Variants in STK32A observed in about 807,000 individuals in gnomAD.
STK32A encodes serine/threonine kinase 32A.
In STK32A, 41 loss-of-function variants were observed where a neutral mutation model predicts 53.2. That is an observed-to-expected ratio of 0.77 (90% CI 0.60 to 1.00). STK32A has a LOEUF of 1.00. Ranked by LOEUF, STK32A falls within the 50% of genes least tolerant of loss-of-function variation. The pLI is 0.00. For missense variants in STK32A, 458 were observed against 485.8 expected (o/e 0.94, Z 0.54); for synonymous variants, 166 against 162.8 (o/e 1.02, Z -0.15).
chr5:147,323,831 A>G, intron 4 of STK32A, 67 bp from the exon 5 acceptor site: 1 of 1,390,008 alleles, frequency 7.2e-7, no homozygotes. Flanking sequence ...GTAGGGTCTC[A>G]TTTGTCTCTG....
chr5:147,285,219 A>T (rs1834120), intron 4 of STK32A, among the ~76,000 whole-genome samples: 1 of 151,910 alleles, frequency 6.6e-6, no homozygotes, highest in African/African-American at 2.4e-5. Flanking sequence ...ACCCTTTTCA[A>T]CAAATGGTGC....
chr5:147,375,172 G>A lies in STK32A; in HGVS notation c.986G>A (p.Arg329His), dbSNP rs753585311. The change falls in exon 11 of 13, where the codon CGT becomes CAT. Residue 329 changes from arginine (R) to histidine (H), a missense_variant. Arg to His is a conservative substitution (Grantham distance 29). Transcript: ENST00000397936. Reference protein sequence around the residue: ...ESKPLHKKKKRLAKKEKDMRK... With the variant: ...ESKPLHKKKKHLAKKEKDMRK... ...AAACCTCTACATAAGAAAAAAAAGC[G>A]TCTGGCAAAGAAGGAGAAGGATATG... The A allele has an allele frequency of 2.3e-5, 37 of 1,610,358 alleles. No individual in the cohort carries two copies. The highest frequency in any genetic ancestry group is 2.0e-4 in the South Asian group (18 of 90,186).
At chr5:147,286,341 T>C (rs544612158) in intron 4 of STK32A, among the ~76,000 whole-genome samples, 24 of 152,104 alleles carry the variant, frequency 1.6e-4, no homozygotes, top group Non-Finnish European at 2.8e-4. Context: ...GCTCAGGTGA[T>C]GGGTGCAACA....
intron 2 of STK32A, among the ~76,000 whole-genome samples, chr5:147,241,131 T>C (rs112126005): frequency 2.6e-5 from 4 of 152,224 alleles, no homozygotes; most frequent in African/African-American, 9.6e-5. Context: ...CTACGTCTGC[T>C]GTAGTTGGGG....
intron 11 of STK32A, among the ~76,000 whole-genome samples, chr5:147,377,786 AC>A (rs1263570120): frequency 6.6e-6 from 1 of 151,996 alleles, no homozygotes; most frequent in Non-Finnish European, 1.5e-5. Flanking sequence ...GTTCCAGTAA[AC>A]CTTTGAGTGC....
At chr5:147,396,601 G>A in the STK32A span, among the ~76,000 whole-genome samples, 1 of 152,150 alleles carries the variant, frequency 6.6e-6, no homozygotes, top group Non-Finnish European at 1.5e-5. Context: ...CAGAAGCCGA[G>A]CCCATCAAAT....
intron 4 of STK32A, among the ~76,000 whole-genome samples, chr5:147,307,586 A>C (rs6580460): frequency 0.81 from 119,705 of 147,962 alleles, 48,933 homozygotes; most frequent in African/African-American, 0.92. Flanking sequence ...CATGGCGCCA[A>C]TGCACTCCAG....
At chr5:147,262,586 GAAAAAAC>G (rs1268839406) in intron 2 of STK32A, among the ~76,000 whole-genome samples, 2 of 85,000 alleles carry the variant, frequency 2.4e-5, no homozygotes, top group Admixed American at 2.9e-4. Flanking sequence ...TACAGATCAG[GAAAAAAC>G]AAAACAAAAC....
chr5:147,280,475 T>C lies in STK32A; in HGVS notation c.260+1077T>C, dbSNP rs867375044. 1.6e-3 allele frequency among the ~76,000 whole-genome samples: 248 copies of C among 151,768 alleles called. 2 individuals are homozygous for C. Among genetic ancestry groups the C allele is most frequent in the African/African-American group, 5.8e-3 (241 of 41,332 alleles). On this transcript the variant is annotated intron_variant, in intron 4 of 12. Transcript: ENST00000397936. ...AGCACGGTGGGAGTGAGACCGGCCC[T>C]TCGGTTTTCATGGGAGCTGGGTGAG...
intron 2 of STK32A, among the ~76,000 whole-genome samples, chr5:147,244,583 C>T (rs1753707592): frequency 6.6e-6 from 1 of 152,274 alleles, no homozygotes; most frequent in South Asian, 2.1e-4. Context: ...CTACATGTTT[C>T]TATGAGAAGA....
the STK32A span, among the ~76,000 whole-genome samples, chr5:147,395,099 A>G: frequency 6.6e-6 from 1 of 152,246 alleles, no homozygotes; most frequent in Non-Finnish European, 1.5e-5. Context: ...TAGCATTATT[A>G]TAATTACTAG....
chr5:147,377,408 C>T lies in STK32A; in HGVS notation c.1032+2190C>T, dbSNP rs149123537. 1.2e-3 allele frequency among the ~76,000 whole-genome samples: 189 copies of T among 152,170 alleles called. 1 individual carries two copies. The East Asian group carries it at 0.028, about 23-fold the overall frequency. ...CACTCTAGAAAGCTCAATGTTTGAG[C>T]TTCCTCAGGACAATTTCTATCTGTT... is the stretch of plus-strand genomic sequence containing the variant. On this transcript the variant is annotated intron_variant, in intron 11 of 12. Transcript: ENST00000397936.
chr5:147,338,857 G>C (rs1261335873), intron 5 of STK32A, among the ~76,000 whole-genome samples: 1 of 152,190 alleles, frequency 6.6e-6, no homozygotes, highest in African/African-American at 2.4e-5. Context: ...CATTCAAGAG[G>C]TGACGTGGGT....
At chr5:147,401,966 A>G in the STK32A span, 2 of 332,266 alleles carry the variant, frequency 6.0e-6, no homozygotes, top group Non-Finnish European at 1.1e-5. Flanking sequence ...ATTTGAGGCA[A>G]AAGAAAATAA....
At chr5:147,266,438 G>A (rs1252397600) in intron 2 of STK32A, among the ~76,000 whole-genome samples, 3 of 152,076 alleles carry the variant, frequency 2.0e-5, no homozygotes, top group African/African-American at 7.2e-5. Flanking sequence ...TTCTTAGAAG[G>A]TACATATTAT....
intron 5 of STK32A, among the ~76,000 whole-genome samples, chr5:147,335,332 A>G (rs1038569617): frequency 2.6e-5 from 4 of 152,186 alleles, no homozygotes; most frequent in Non-Finnish European, 5.9e-5. Flanking sequence ...TTTAAACAAT[A>G]AAAGAGATTT....
At chr5:147,367,949 A>T (rs1756839704) in intron 8 of STK32A, among the ~76,000 whole-genome samples, 1 of 152,208 alleles carries the variant, frequency 6.6e-6, no homozygotes, top group Non-Finnish European at 1.5e-5. Flanking sequence ...AATACAACTC[A>T]AGCACAGAGG....
intron 2 of STK32A, among the ~76,000 whole-genome samples, chr5:147,255,023 C>T (rs2151943973): frequency 6.6e-6 from 1 of 152,162 alleles, no homozygotes; most frequent in Middle Eastern, 3.4e-3. Flanking sequence ...ACCTGTAGTC[C>T]CAGCTACTCA....
chr5:147,366,548 T>C (rs1022826321), intron 8 of STK32A, among the ~76,000 whole-genome samples: 25 of 152,192 alleles, frequency 1.6e-4, no homozygotes, highest in Admixed American at 1.3e-4. Context: ...AAAGAAACAT[T>C]CTCTGACCTC....
Sources: allele counts gnomAD v4.1 joint callset (sites outside exome capture counted in the v4.1 genomes callset), GRCh38; gene constraint gnomAD v4.1.1; transcripts MANE v1.5; gene names NCBI Gene and HGNC (gene_info 2026-07-23, HGNC 2026-07-21).